Variants in PCCB observed in about 807,000 individuals in gnomAD.
PCCB encodes the protein propionyl-CoA carboxylase subunit beta.
A neutral mutation model predicts 60.7 loss-of-function variants in PCCB; 43 were observed. The ratio of observed to expected loss-of-function variants is 0.71; its 90% CI spans 0.55 to 0.91. PCCB has a LOEUF of 0.91. Ranked by LOEUF, PCCB falls within the 40% of genes least tolerant of loss-of-function variation. PCCB has a pLI of 0.00. For synonymous variants in PCCB, 276 were observed against 255.9 expected, an observed-to-expected ratio of 1.08 and a Z score of -0.75; for missense variants, 766 against 702.8, an observed-to-expected ratio of 1.09 and a Z score of -1.02.
intron 13 of PCCB, among the ~76,000 whole-genome samples, chr3:136,328,067 A>G (rs1935397196): frequency 6.6e-6 from 1 of 152,148 alleles, no homozygotes; most frequent in African/African-American, 2.4e-5. Context: ...CTTCAGAAGT[A>G]TTGGACATTC....
intron 6 of PCCB, among the ~76,000 whole-genome samples, chr3:136,286,148 A>T (rs1281094044): frequency 6.6e-6 from 1 of 152,202 alleles, no homozygotes; most frequent in African/African-American, 2.4e-5. Flanking sequence ...TGATACATAG[A>T]TCTATATCTA....
chr3:136,318,260 C>A (rs1934983238), intron 10 of PCCB, among the ~76,000 whole-genome samples: 1 of 152,064 alleles, frequency 6.6e-6, no homozygotes, highest in Admixed American at 6.6e-5. Flanking sequence ...AGGAGAATTG[C>A]TTGAGCCGGG....
At chr3:136,313,486 CTG>C (rs1303483617) in intron 9 of PCCB, among the ~76,000 whole-genome samples, 1 of 152,148 alleles carries the variant, frequency 6.6e-6, no homozygotes, top group Non-Finnish European at 1.5e-5. Flanking sequence ...AGTGTCTGTA[CTG>C]TTACTTTCCA....
At position 136,293,715 on chromosome 3, in the gene PCCB, G is replaced by A; in HGVS notation, c.655-41G>A. On this transcript the variant is annotated intron_variant, in intron 6 of 14. Coordinates refer to ENST00000251654, the MANE Select transcript of PCCB (RefSeq NM_000532.5). ...CAACTCTAAGGCTGTGACCAGCTCTGGTGCTCTGAGGTTGACTGTTCTGGA... is the reference window on the plus strand; with the variant it reads ...CAACTCTAAGGCTGTGACCAGCTCTAGTGCTCTGAGGTTGACTGTTCTGGA... 4 of 1,233,072 alleles carry A rather than the reference G, an allele frequency of 3.2e-6. No homozygotes were observed. In the South Asian group the frequency reaches 3.6e-5, roughly 11 times the overall value. The allele number at this position is 1,233,072 out of a possible 1,614,324, so 76.4% of individuals were successfully genotyped here. A position where few individuals can be genotyped will look rare whatever the true frequency, so the allele number is the denominator to read the frequency against.
chr3:136,328,186 A>G (rs1935404101), intron 13 of PCCB, among the ~76,000 whole-genome samples: 1 of 152,042 alleles, frequency 6.6e-6, no homozygotes, highest in African/African-American at 2.4e-5. Context: ...GGTACTTCCT[A>G]TTGCTTGACC....
chr3:136,252,180 C>A, intron 1 of PCCB: 1 of 426,324 alleles, frequency 2.3e-6, no homozygotes, highest in South Asian at 1.7e-5. Flanking sequence ...CTGCACCCGG[C>A]CCTGCACCCC....
intron 12 of PCCB, 97 bp downstream of exon 12, chr3:136,327,352 T>TC: frequency 1.1e-6 from 1 of 887,004 alleles, no homozygotes; most frequent in Non-Finnish European, 1.9e-6. Context: ...CTGGAAGGAG[T>TC]ACACCTTGCT....
chr3:136,284,062 C>T, intron 6 of PCCB, 115 bp downstream of exon 6: 1 of 741,644 alleles, frequency 1.3e-6, no homozygotes, highest in Admixed American at 1.9e-5. Context: ...CATTGGCTTT[C>T]AGCATAGTGA....
At chr3:136,253,082 G>GTTTTTTTT (rs59099393) in intron 1 of PCCB, among the ~76,000 whole-genome samples, 1 of 71,490 alleles carries the variant, frequency 1.4e-5, no homozygotes, top group Non-Finnish European at 2.4e-5. Flanking sequence ...AGCAATGGAG[G>GTTTTTTTT]TTTTTTTTTT....
intron 10 of PCCB, chr3:136,326,217 G>C (rs1291816383): frequency 1.6e-6 from 1 of 620,206 alleles, no homozygotes; most frequent in African/African-American, 1.8e-5. Flanking sequence ...GATGGTCCTT[G>C]TCTTGCTTTG....
At chr3:136,294,034 T>G (rs1022802671) in intron 7 of PCCB, among the ~76,000 whole-genome samples, 170 bp downstream of exon 7, 2 of 152,178 alleles carry the variant, frequency 1.3e-5, no homozygotes, top group African/African-American at 4.8e-5. Flanking sequence ...ACAGATATAG[T>G]GATAAAGGTA....
intron 1 of PCCB, among the ~76,000 whole-genome samples, chr3:136,252,696 G>C (rs1158376912): frequency 6.8e-6 from 1 of 147,680 alleles, no homozygotes; most frequent in Non-Finnish European, 1.5e-5. Flanking sequence ...TAGAGACAGG[G>C]TCTCGCTTTG....
chr3:136,322,857 C>T (rs1377525080), intron 10 of PCCB, among the ~76,000 whole-genome samples: 1 of 152,118 alleles, frequency 6.6e-6, no homozygotes, highest in Non-Finnish European at 1.5e-5. Context: ...TTTTGAAGGA[C>T]AGTTTGCCAG....
At chr3:136,308,526 T>A (rs1286426277) in intron 9 of PCCB, among the ~76,000 whole-genome samples, 11 of 152,206 alleles carry the variant, frequency 7.2e-5, no homozygotes, top group Admixed American at 7.2e-4. Context: ...AGCATTGTTA[T>A]TACAAAGCAG....
chr3:136,325,815 T>C (rs898100984), intron 10 of PCCB, among the ~76,000 whole-genome samples: 5 of 152,182 alleles, frequency 3.3e-5, no homozygotes, highest in African/African-American at 1.2e-4. Context: ...TTGGACATGA[T>C]GTATTACTGT....
rs118109248 is a variant in PCCB, at chr3:136,251,356, G to A, written c.183+798G>A. 6.0e-3 allele frequency: 2,727 copies of A among 456,220 alleles called. 47 individuals carry two copies. Among genetic ancestry groups the A allele is most frequent in the East Asian group, 0.049 (702 of 14,378 alleles). The allele number at this position is 456,220 out of a possible 1,614,324, so 28.3% of individuals were successfully genotyped here. ...CGTGACTGGTGGGTGAGTCTGGACC[G>A]TTGTGCTGAACGAATTAACCAACGG... On this transcript the variant is annotated intron_variant, in intron 1 of 14. Coordinates refer to ENST00000251654, the MANE Select transcript of PCCB (RefSeq NM_000532.5).
At chr3:136,310,249 G>A (rs1055862861) in intron 9 of PCCB, among the ~76,000 whole-genome samples, 7 of 152,088 alleles carry the variant, frequency 4.6e-5, no homozygotes, top group Admixed American at 1.3e-4. Context: ...TGTAATCCCC[G>A]CTACTCGGGA....
intron 5 of PCCB, among the ~76,000 whole-genome samples, chr3:136,270,560 C>T (rs572214113): frequency 6.6e-6 from 1 of 152,122 alleles, no homozygotes; most frequent in South Asian, 2.1e-4. Context: ...GGCTGGAGTA[C>T]AATGGCGCGA....
At chr3:136,308,490 A>G (rs1209767041) in intron 9 of PCCB, among the ~76,000 whole-genome samples, 1 of 152,236 alleles carries the variant, frequency 6.6e-6, no homozygotes, top group Non-Finnish European at 1.5e-5. Flanking sequence ...ACTTAGGTAG[A>G]AAGACTGAAT....
Sources: gnomAD v4.1 joint callset for allele counts (sites outside exome capture counted in the v4.1 genomes callset) on GRCh38, gnomAD v4.1.1 for gene constraint, MANE v1.5 for transcripts, NCBI Gene and HGNC (gene_info 2026-07-23, HGNC 2026-07-21) for gene names.